RALGPS2: variants seen among roughly 807,000 people sequenced by gnomAD.
RALGPS2 encodes the protein Ral GEF with PH domain and SH3 binding motif 2, also known as ras-specific guanine nucleotide-releasing factor RalGPS2.
RALGPS2 carries 43 observed loss-of-function variants against 86.8 expected under a neutral mutation model. The ratio of observed to expected loss-of-function variants is 0.50; its 90% CI spans 0.39 to 0.64. The LOEUF (loss-of-function observed/expected upper bound fraction) is 0.64. Among genes scored for constraint, RALGPS2 ranks in the 30% least tolerant of loss-of-function variants. The probability of loss-of-function intolerance (pLI) is 0.00; values close to 1 mark genes in which losing one functional copy is unlikely to be tolerated. For missense variants in RALGPS2, 536 were observed against 694.6 expected, an observed-to-expected ratio of 0.77 and a Z score of 2.57; for synonymous variants, 243 against 231.3, an observed-to-expected ratio of 1.05 and a Z score of -0.46.
At chr1:178,889,258 A>T (rs964847433) in intron 13 of RALGPS2, among the ~76,000 whole-genome samples, 2 of 152,062 alleles carry the variant, frequency 1.3e-5, no homozygotes, top group Admixed American at 1.3e-4. Flanking sequence ...AAGAGAAAGG[A>T]GTATGCCATG....
Position 178,784,519 on chromosome 1 carries a change from T to C in RALGPS2, c.159T>C (p.Tyr53=). The change falls in exon 3 of 20, where the codon TAT becomes TAC. Residue 53 remains tyrosine, a synonymous_variant. Coordinates refer to ENST00000367635, the MANE Select transcript of RALGPS2 (RefSeq NM_152663.5). ...TTCTTAAGGTTACACCAGAAGAATA[T>C]GCGGTAAGCCTCCTACCTCTGTCTT... The part of the protein sequence containing the change: ...FDVLKVTPEE[Y]AGQITLMDVP... 6.3e-7 allele frequency: 1 copy of C among 1,588,690 alleles called. No homozygotes were observed. The highest frequency in any genetic ancestry group is 8.6e-7 in the Non-Finnish European group (1 of 1,163,064).
chr1:178,820,476 T>C (rs1655443625), intron 6 of RALGPS2, among the ~76,000 whole-genome samples: 1 of 152,202 alleles, frequency 6.6e-6, no homozygotes, highest in African/African-American at 2.4e-5. Flanking sequence ...TTGTAAATTG[T>C]ATTCCCTCTT....
rs1455599668 is a variant in RALGPS2, at chr1:178,917,676, A to G, written c.*1317A>G. ...CAAGCAGTTTTATGAGAACTCTTCT[A>G]TGCAATGATGCATTTAATTTCTAAA... is the stretch of plus-strand genomic sequence containing the variant. On this transcript the variant is annotated 3_prime_UTR_variant, in exon 20 of 20. Coordinates refer to ENST00000367635, the MANE Select transcript of RALGPS2 (RefSeq NM_152663.5). 2 of 152,188 alleles carry G rather than the reference A, an allele frequency of 1.3e-5. No homozygotes were observed. The highest frequency in any genetic ancestry group is 2.9e-5 in the Non-Finnish European group (2 of 68,012). 9.4% of individuals were successfully genotyped at this position (152,188 alleles called of 1,614,324 possible).
chr1:178,865,842 G>T, intron 8 of RALGPS2: 1 of 1,225,498 alleles, frequency 8.2e-7, no homozygotes. Flanking sequence ...AAAGCAAAAA[G>T]AATTCATATT....
intron 4 of RALGPS2, among the ~76,000 whole-genome samples, chr1:178,801,369 CAATAAT>C (rs903998166): frequency 6.6e-6 from 1 of 151,668 alleles, no homozygotes; most frequent in Non-Finnish European, 1.5e-5. Flanking sequence ...TTAATAGTAG[CAATAAT>C]AATAATAATA....
intron 7 of RALGPS2, among the ~76,000 whole-genome samples, chr1:178,821,993 A>T (rs72707205): frequency 0.045 from 6,838 of 152,256 alleles, 157 homozygotes; most frequent in Non-Finnish European, 0.057. Flanking sequence ...TATTCAACTG[A>T]TGGAAGGTAT....
intron 19 of RALGPS2, among the ~76,000 whole-genome samples, chr1:178,914,984 G>A (rs1660755914): frequency 2.0e-5 from 3 of 151,930 alleles, no homozygotes; most frequent in African/African-American, 7.3e-5. Context: ...GATGAATCTA[G>A]ACAATATATA....
rs772449781 is a variant in RALGPS2 at position 178,909,994 on chromosome 1, T to G, written c.1722+3127T>G. Among the ~76,000 whole-genome samples, 118 of 152,246 alleles carry G rather than the reference T, an allele frequency of 7.8e-4. 2 individuals carry two copies. Among genetic ancestry groups the G allele is most frequent in the Admixed American group, 1.7e-3 (26 of 15,294 alleles). ...TCTTTTACCTCCTTGATTAGCTGTA[T>G]CCCTAGATATTTTTTTCTTTTTGTG... On this transcript the variant is annotated intron_variant, in intron 19 of 19. Transcript: ENST00000367635.
chr1:178,860,783 T>A (rs1166666002), intron 8 of RALGPS2, among the ~76,000 whole-genome samples: 1 of 152,194 alleles, frequency 6.6e-6, no homozygotes, highest in African/African-American at 2.4e-5. Context: ...AGAATGACCA[T>A]GTACCTCCAT....
In RALGPS2 at chr1:178,918,573, G is replaced by T. The variant is rs764409472; in HGVS notation, c.*2214G>T. 3.3e-5 allele frequency: 5 copies of T among 152,098 alleles called. No individual in the cohort carries two copies. Among genetic ancestry groups the T allele is most frequent in the Non-Finnish European group, 5.9e-5 (4 of 67,966 alleles). The allele number at this position is 152,098 out of a possible 1,614,324, so 9.4% of individuals were successfully genotyped here. ...GCTCTAAACATTAATGGATGTTTGCGTAGAGTAAGATAGCGTTCAAATTTG... is the reference window on the plus strand; with the variant it reads ...GCTCTAAACATTAATGGATGTTTGCTTAGAGTAAGATAGCGTTCAAATTTG... On this transcript the variant is annotated 3_prime_UTR_variant, in exon 20 of 20. Coordinates refer to ENST00000367635, the MANE Select transcript of RALGPS2 (RefSeq NM_152663.5).
intron 19 of RALGPS2, among the ~76,000 whole-genome samples, chr1:178,907,709 G>A (rs75838213): frequency 0.012 from 1,806 of 152,314 alleles, 38 homozygotes; most frequent in East Asian, 0.092. Context: ...TATTGATAAT[G>A]CAGAAGTCTA....
chr1:178,733,659 T>G (rs925677530), intron 1 of RALGPS2, among the ~76,000 whole-genome samples: 5 of 152,214 alleles, frequency 3.3e-5, no homozygotes, highest in Admixed American at 2.0e-4. Context: ...TTTGGCAGCA[T>G]TTGCCTAAAA....
intron 1 of RALGPS2, among the ~76,000 whole-genome samples, chr1:178,759,724 C>A (rs1157946720): frequency 5.3e-5 from 8 of 151,844 alleles, no homozygotes; most frequent in Non-Finnish European, 1.0e-4. Context: ...CGTTAATATG[C>A]AATATCCATT....
At chr1:178,811,717 G>A (rs1268722690) in intron 6 of RALGPS2, among the ~76,000 whole-genome samples, 1 of 152,158 alleles carries the variant, frequency 6.6e-6, no homozygotes, top group African/African-American at 2.4e-5. Context: ...GGACTATTCT[G>A]CAGGTGATGA....
intron 1 of RALGPS2, among the ~76,000 whole-genome samples, chr1:178,772,443 G>C (rs772134133): frequency 6.6e-6 from 1 of 152,122 alleles, no homozygotes; most frequent in Non-Finnish European, 1.5e-5. Context: ...TTTTGGGTCA[G>C]GTATCTTAGG....
rs139284537 is a variant in RALGPS2, at chr1:178,781,012, TTA to T, written c.58-3392_58-3391del. Among the ~76,000 whole-genome samples the T allele has an allele frequency of 2.6e-3, 391 of 150,148 alleles. 5 individuals carry two copies. The highest frequency in any genetic ancestry group is 6.7e-3 in the African/African-American group (277 of 41,090). ...TTTATAACCATATTTCTTGAATATGTTATATATATATATATGTATGTGTATAT... is the reference window on the plus strand; with the variant it reads ...TTTATAACCATATTTCTTGAATATGTTATATATATATATGTATGTGTATAT... On this transcript the variant is annotated intron_variant, in intron 2 of 19. Coordinates refer to ENST00000367635, the MANE Select transcript of RALGPS2 (RefSeq NM_152663.5).
intron 8 of RALGPS2, among the ~76,000 whole-genome samples, chr1:178,852,412 A>G (rs1027198815): frequency 6.6e-6 from 1 of 152,144 alleles, no homozygotes; most frequent in African/African-American, 2.4e-5. Context: ...TATGAATTGT[A>G]GGCACTTGCA....
At position 178,833,519 on chromosome 1, in the gene RALGPS2, C is replaced by G; in HGVS notation, c.576C>G (p.Ser192Arg). ...AAAGACTCAGAGACTATATAAGTAG[C>G]TTAAAGATGACACCTTGCATTCCCT... ...NYKRLRDYIS[S>R]LKMTPCIPYL... The change falls in exon 8 of 20, where the codon AGC becomes AGG. Residue 192 changes from serine to arginine, a missense_variant. Ser to Arg is a moderately radical substitution (Grantham distance 110). Around this residue, in one of 3 missense-constraint regions of RALGPS2, gnomAD observed 184 missense variants for 296.7 expected, o/e 0.62. Transcript: ENST00000367635. The G allele has an allele frequency of 6.5e-7, 1 of 1,530,576 alleles. No individual in the cohort carries two copies. The highest frequency in any genetic ancestry group is 8.7e-7 in the Non-Finnish European group (1 of 1,150,904). The allele number at this position is 1,530,576 out of a possible 1,614,324, so 94.8% of individuals were successfully genotyped here. A position where few individuals can be genotyped will look rare whatever the true frequency, so the allele number is the denominator to read the frequency against.
intron 1 of RALGPS2, among the ~76,000 whole-genome samples, chr1:178,752,928 A>T (rs1416857525): frequency 6.6e-6 from 1 of 152,226 alleles, no homozygotes; most frequent in East Asian, 1.9e-4. Flanking sequence ...TTTGTAAGAT[A>T]CAATTTAATA....
Sources: gnomAD v4.1 joint callset for allele counts (sites outside exome capture counted in the v4.1 genomes callset) on GRCh38, gnomAD v4.1.1 for gene constraint, gnomAD v4.1.1 regional missense constraint, MANE v1.5 for transcripts, NCBI Gene and HGNC (gene_info 2026-07-23, HGNC 2026-07-21) for gene names.